Variants in KALRN observed in about 807,000 individuals in gnomAD.
KALRN encodes the protein kalirin.
KALRN carries 70 observed loss-of-function variants against 353.7 expected under a neutral mutation model. The observed-to-expected ratio is 0.20, with a 90% CI of 0.16 to 0.24. The LOEUF (loss-of-function observed/expected upper bound fraction) is 0.24. Ranked by LOEUF, KALRN falls within the 10% of genes least tolerant of loss-of-function variation. KALRN has a pLI of 1.00. For synonymous variants in KALRN, 1,391 were observed against 1,434.8 expected (o/e 0.97, Z 0.69); for missense variants, 2,791 against 3,756.7 (o/e 0.74, Z 6.72).
chr3:124,335,584 G>A (rs1468049512), intron 9 of KALRN, among the ~76,000 whole-genome samples: 1 of 152,068 alleles, frequency 6.6e-6, no homozygotes, highest in Non-Finnish European at 1.5e-5. Context: ...GAGCTGGCTG[G>A]GAGATGGGGA....
At chr3:124,070,992 CT>C (rs11351739) in intron 1 of KALRN, among the ~76,000 whole-genome samples, 134,392 of 151,734 alleles carry the variant, frequency 0.89, 60,138 homozygotes, top group East Asian at 1. Flanking sequence ...CTTCCACTGT[CT>C]TTTTTTTTTG....
intron 14 of KALRN, among the ~76,000 whole-genome samples, chr3:124,414,406 G>A (rs531406803): frequency 1.4e-4 from 22 of 152,178 alleles, no homozygotes; most frequent in Admixed American, 3.9e-4. Context: ...CCTTGTCTCC[G>A]GTTCCTGTTT....
chr3:124,425,421 T>C (rs913988948), intron 15 of KALRN, among the ~76,000 whole-genome samples: 2 of 152,188 alleles, frequency 1.3e-5, no homozygotes, highest in Admixed American at 6.5e-5. Flanking sequence ...ATAAGAATCC[T>C]TCTAGCTGAA....
intron 34 of KALRN, among the ~76,000 whole-genome samples, chr3:124,570,765 T>A (rs1265723804): frequency 6.6e-6 from 1 of 152,238 alleles, no homozygotes; most frequent in African/African-American, 2.4e-5. Context: ...TTTTTATAAC[T>A]GGATAAAACC....
At chr3:124,559,687 C>T (rs552341799) in intron 33 of KALRN, among the ~76,000 whole-genome samples, 11 of 152,286 alleles carry the variant, frequency 7.2e-5, no homozygotes, top group African/African-American at 2.6e-4. Flanking sequence ...AGAATCTTAC[C>T]CTACAGCATC....
chr3:124,055,214 G>A (rs1272022534), intron 1 of KALRN, among the ~76,000 whole-genome samples: 1 of 152,218 alleles, frequency 6.6e-6, no homozygotes. Context: ...ATAGGACTTG[G>A]TTATACAATT....
chr3:124,276,941 G>GCACACATGTGCGCATGCACA (rs1318702370), intron 5 of KALRN, among the ~76,000 whole-genome samples: 7 of 152,122 alleles, frequency 4.6e-5, no homozygotes, highest in Non-Finnish European at 7.3e-5. Flanking sequence ...ACACACGCAC[G>GCACACATGTGCGCATGCACA]CACACATGTG....
chr3:124,389,192 C>T (rs926344502), intron 11 of KALRN, among the ~76,000 whole-genome samples: 1 of 151,928 alleles, frequency 6.6e-6, no homozygotes, highest in African/African-American at 2.4e-5. Flanking sequence ...GAGTTTTTGC[C>T]TTGGTGCCAA....
intron 1 of KALRN, among the ~76,000 whole-genome samples, chr3:124,125,770 G>A (rs1346938998): frequency 6.6e-6 from 1 of 152,224 alleles, no homozygotes; most frequent in African/African-American, 2.4e-5. Flanking sequence ...ATTCCCCTGT[G>A]AGTGGCAGGG....
chr3:124,252,660 G>A (rs1168241225), intron 3 of KALRN, among the ~76,000 whole-genome samples: 1 of 152,202 alleles, frequency 6.6e-6, no homozygotes, highest in Non-Finnish European at 1.5e-5. Flanking sequence ...TGGGTAAGAG[G>A]CCAGAGGGTG....
At chr3:124,443,160 A>G (rs2093721764) in intron 19 of KALRN, among the ~76,000 whole-genome samples, 1 of 152,242 alleles carries the variant, frequency 6.6e-6, no homozygotes, top group Non-Finnish European at 1.5e-5. Context: ...TAAATATATA[A>G]CTTTTAAAAA....
At chr3:124,061,745 G>T (rs2042011814) in intron 1 of KALRN, among the ~76,000 whole-genome samples, 1 of 152,120 alleles carries the variant, frequency 6.6e-6, no homozygotes, top group African/African-American at 2.4e-5. Flanking sequence ...CTGAGGTTTG[G>T]TGTGAGTACC....
chr3:124,674,673 C>T, intron 49 of KALRN, 59 bp downstream of exon 49: 1 of 1,457,702 alleles, frequency 6.9e-7, no homozygotes. Flanking sequence ...TATTCAGAAA[C>T]AAACAAAAGA....
At chr3:124,690,334 C>T (rs2061750293) in intron 51 of KALRN, among the ~76,000 whole-genome samples, 2 of 152,098 alleles carry the variant, frequency 1.3e-5, no homozygotes, top group Non-Finnish European at 2.9e-5. Flanking sequence ...TGTTCTCCTC[C>T]AGTTCGTACT....
chr3:124,696,715 A>T (rs1443418507), intron 54 of KALRN, among the ~76,000 whole-genome samples: 1 of 152,138 alleles, frequency 6.6e-6, no homozygotes, highest in African/African-American at 2.4e-5. Flanking sequence ...GCTTAAAAAT[A>T]AATAAATAAG....
At chr3:124,106,921 A>G (rs1412420804) in intron 1 of KALRN, among the ~76,000 whole-genome samples, 1 of 152,202 alleles carries the variant, frequency 6.6e-6, no homozygotes, top group African/African-American at 2.4e-5. Context: ...TAAAGGCTCC[A>G]GGCAAAATTT....
At chr3:124,357,690 T>C (rs2083575646) in intron 10 of KALRN, among the ~76,000 whole-genome samples, 1 of 152,196 alleles carries the variant, frequency 6.6e-6, no homozygotes, top group Non-Finnish European at 1.5e-5. Context: ...ATGCCCCTTT[T>C]CTAGTCACCT....
intron 5 of KALRN, 39 bp downstream of exon 5, chr3:124,269,294 G>C (rs1477875523): frequency 1.3e-6 from 2 of 1,540,116 alleles, no homozygotes; most frequent in South Asian, 2.5e-5. Flanking sequence ...CGGGATGGGG[G>C]TGAGGGAGCA....
intron 50 of KALRN, chr3:124,678,673 G>A (rs1028232768): frequency 2.3e-5 from 4 of 175,692 alleles, no homozygotes; most frequent in African/African-American, 9.5e-5. Flanking sequence ...TACACACAGG[G>A]TAAAGCAATT....
Sources: allele counts gnomAD v4.1 joint callset (sites outside exome capture counted in the v4.1 genomes callset), GRCh38; gene constraint gnomAD v4.1.1; transcripts MANE v1.5; gene names NCBI Gene and HGNC (gene_info 2026-07-23, HGNC 2026-07-21).